MARK3: variants seen among roughly 807,000 people sequenced by gnomAD.
MARK3 encodes the protein MAP/microtubule affinity-regulating kinase 3.
A neutral mutation model predicts 90.1 loss-of-function variants in MARK3; 46 were observed. The observed-to-expected ratio is 0.51, with a 90% confidence interval of 0.40 to 0.65. The LOEUF (loss-of-function observed/expected upper bound fraction) is 0.65. Ranked by LOEUF, MARK3 falls within the 30% of genes least tolerant of loss-of-function variation. MARK3 has a pLI of 0.00. For missense variants in MARK3, 818 were observed against 947.2 expected, an observed-to-expected ratio of 0.86 and a Z score of 1.79; for synonymous variants, 321 against 332.6, an observed-to-expected ratio of 0.97 and a Z score of 0.38.
At chr14:103,434,930 A>G (rs753182584) in intron 3 of MARK3, among the ~76,000 whole-genome samples, 1 of 152,068 alleles carries the variant, frequency 6.6e-6, no homozygotes, top group Non-Finnish European at 1.5e-5. Context: ...CCAGACACCT[A>G]CCCAGGAAGA....
chr14:103,434,490 A>C (rs6575988), intron 3 of MARK3, among the ~76,000 whole-genome samples: 94,664 of 152,004 alleles, frequency 0.62, 30,518 homozygotes, highest in Middle Eastern at 0.75. Context: ...GGGCAAAAGC[A>C]TTGTTATGAA....
At chr14:103,430,602 CTT>C (rs1412645755) in intron 3 of MARK3, among the ~76,000 whole-genome samples, 1 of 152,130 alleles carries the variant, frequency 6.6e-6, no homozygotes, top group Non-Finnish European at 1.5e-5. Flanking sequence ...TGTGCAATCT[CTT>C]TTTTACCACC....
intron 12 of MARK3, 98 bp downstream of exon 12, chr14:103,468,284 C>T (rs890356604): frequency 2.9e-5 from 19 of 657,180 alleles, no homozygotes; most frequent in Non-Finnish European, 4.0e-5. Flanking sequence ...GGCTTGATGT[C>T]CTTTCTTGGC....
At chr14:103,449,368 G>A (rs1242908086) in intron 4 of MARK3, among the ~76,000 whole-genome samples, 1 of 138,952 alleles carries the variant, frequency 7.2e-6, no homozygotes, top group Non-Finnish European at 1.5e-5. Flanking sequence ...TGGAGGTCAG[G>A]AGCTCAAGAC....
At chr14:103,491,634 C>G in intron 14 of MARK3, 143 bp from the exon 15 acceptor site, 3 of 771,634 alleles carry the variant, frequency 3.9e-6, no homozygotes, top group Admixed American at 2.8e-5. Context: ...ACTTAACTTA[C>G]CTTTTGCTCC....
chr14:103,484,551 C>T (rs1414759258), intron 14 of MARK3, among the ~76,000 whole-genome samples: 1 of 152,198 alleles, frequency 6.6e-6, no homozygotes, highest in African/African-American at 2.4e-5. Flanking sequence ...TTATTTTATC[C>T]ACTTTACCCT....
chr14:103,405,918 C>T (rs1210498103), intron 2 of MARK3, among the ~76,000 whole-genome samples: 1 of 150,402 alleles, frequency 6.6e-6, no homozygotes, highest in East Asian at 2.0e-4. Context: ...CAAGACAGGG[C>T]CTTGCCCTGT....
At chr14:103,470,645 G>A (rs535149955) in intron 12 of MARK3, among the ~76,000 whole-genome samples, 37 of 151,118 alleles carry the variant, frequency 2.4e-4, no homozygotes, top group African/African-American at 8.7e-4. Context: ...TAGTAGAGAC[G>A]GGGTTTCACC....
chr14:103,479,577 T>C (rs747473984), intron 13 of MARK3, among the ~76,000 whole-genome samples: 2 of 150,630 alleles, frequency 1.3e-5, no homozygotes, highest in Non-Finnish European at 3.0e-5. Flanking sequence ...ATTTCTTTAA[T>C]GACCAATGAT....
rs1484292298 is a variant in MARK3 at position 103,503,715 on chromosome 14, G to C, written c.*488G>C. 6.5e-6 allele frequency: 1 copy of C among 154,000 alleles called. No individual in the cohort carries two copies. The highest frequency in any genetic ancestry group is 1.9e-4 in the East Asian group (1 of 5,226). 9.5% of individuals were successfully genotyped at this position (154,000 alleles called of 1,614,324 possible). Reference sequence around the variant, plus strand: ...AGTTCATGCCTGTGGTTTTGTGTTTGTTGTTTTGTGTTTTTTTAGTGCAAA... The same window carrying C: ...AGTTCATGCCTGTGGTTTTGTGTTTCTTGTTTTGTGTTTTTTTAGTGCAAA... On this transcript the variant is annotated 3_prime_UTR_variant, in exon 18 of 18. Coordinates refer to ENST00000429436, the MANE Select transcript of MARK3 (RefSeq NM_001128918.3).
intron 3 of MARK3, among the ~76,000 whole-genome samples, chr14:103,438,255 A>C (rs2141168078): frequency 6.6e-6 from 1 of 152,278 alleles, no homozygotes; most frequent in African/African-American, 2.4e-5. Context: ...CACCTGCCTC[A>C]GCTTCCCAAA....
intron 13 of MARK3, among the ~76,000 whole-genome samples, chr14:103,478,076 C>T (rs1433689033): frequency 6.6e-6 from 1 of 151,644 alleles, no homozygotes; most frequent in Non-Finnish European, 1.5e-5. Context: ...GTGGGCAGAT[C>T]ACAAGGTCAG....
chr14:103,404,401 A>C (rs928547646), intron 1 of MARK3, among the ~76,000 whole-genome samples: 1 of 152,214 alleles, frequency 6.6e-6, no homozygotes, highest in Non-Finnish European at 1.5e-5. Flanking sequence ...GAGCAGTAGT[A>C]GCAGGATGCC....
chr14:103,418,508 G>A (rs2092057708), intron 2 of MARK3, among the ~76,000 whole-genome samples: 2 of 152,098 alleles, frequency 1.3e-5, no homozygotes, highest in South Asian at 2.1e-4. Context: ...ATTTCTGAGA[G>A]TATCCAGTTT....
At chr14:103,481,806 A>G (rs1452245929) in intron 14 of MARK3, among the ~76,000 whole-genome samples, 2 of 104,986 alleles carry the variant, frequency 1.9e-5, no homozygotes, top group Non-Finnish European at 3.4e-5. Context: ...TCACTCTGTC[A>G]CCCAGGCTGG....
intron 5 of MARK3, among the ~76,000 whole-genome samples, chr14:103,453,150 G>A (rs1340173896): frequency 6.6e-6 from 1 of 152,186 alleles, no homozygotes; most frequent in Admixed American, 6.5e-5. Flanking sequence ...TTTCTGAAAT[G>A]CGTGTTTATA....
intron 14 of MARK3, chr14:103,490,116 A>C (rs1367529848): frequency 6.6e-6 from 1 of 152,274 alleles, no homozygotes; most frequent in Non-Finnish European, 1.5e-5. Context: ...CCAGGAGTTC[A>C]AGACCAGCCT....
intron 12 of MARK3, among the ~76,000 whole-genome samples, chr14:103,468,819 G>A (rs2093569556): frequency 6.6e-6 from 1 of 150,434 alleles, no homozygotes; most frequent in African/African-American, 2.4e-5. Context: ...ATGGAGATGG[G>A]GGTCTCGCTA....
intron 1 of MARK3, among the ~76,000 whole-genome samples, chr14:103,390,020 G>C (rs1365457190): frequency 6.6e-6 from 1 of 151,020 alleles, no homozygotes; most frequent in South Asian, 2.1e-4. Flanking sequence ...AGGCCGAGGC[G>C]GGCAGATCAC....
Sources: gnomAD v4.1 joint callset for allele counts (sites outside exome capture counted in the v4.1 genomes callset) on GRCh38, gnomAD v4.1.1 for gene constraint, MANE v1.5 for transcripts, NCBI Gene and HGNC (gene_info 2026-07-23, HGNC 2026-07-21) for gene names.